FRMD6: variants seen among roughly 807,000 people sequenced by gnomAD.
FRMD6 encodes FERM domain-containing protein 6.
A neutral mutation model predicts 73.2 loss-of-function variants in FRMD6; 37 were observed. The ratio of observed to expected loss-of-function variants is 0.51; its 90% CI spans 0.39 to 0.66. The LOEUF is 0.66. Among genes scored for constraint, FRMD6 ranks in the 30% least tolerant of loss-of-function variants. The pLI is 0.00. For synonymous variants in FRMD6, 273 were observed against 282.2 expected, an observed-to-expected ratio of 0.97 and a Z score of 0.33; for missense variants, 714 against 780.5, an observed-to-expected ratio of 0.91 and a Z score of 1.02.
chr14:51,458,042 G>T, the FRMD6 span, among the ~76,000 whole-genome samples: 1 of 152,316 alleles, frequency 6.6e-6, no homozygotes, highest in South Asian at 2.1e-4. Flanking sequence ...GCCTTGGAAT[G>T]TGGGCCAGAT....
At chr14:51,559,471 A>C (rs1445267833) in intron 1 of FRMD6, among the ~76,000 whole-genome samples, 2 of 145,302 alleles carry the variant, frequency 1.4e-5, no homozygotes, top group Non-Finnish European at 1.5e-5. Context: ...ATTCCACGTT[A>C]CTTTTTTTTT....
At chr14:51,411,088 T>C in the FRMD6 span, among the ~76,000 whole-genome samples, 1 of 152,204 alleles carries the variant, frequency 6.6e-6, no homozygotes, top group Non-Finnish European at 1.5e-5. Flanking sequence ...ATACCATGTG[T>C]TCCCTCCTAT....
intron 1 of FRMD6, among the ~76,000 whole-genome samples, chr14:51,532,609 C>G (rs1385508110): frequency 1.3e-5 from 2 of 152,036 alleles, no homozygotes; most frequent in African/African-American, 4.8e-5. Flanking sequence ...AGTGTTAACA[C>G]AAAACATGAC....
At chr14:51,473,072 G>C in the FRMD6 span, among the ~76,000 whole-genome samples, 1 of 152,170 alleles carries the variant, frequency 6.6e-6, no homozygotes, top group Non-Finnish European at 1.5e-5. Flanking sequence ...AGGGTGCCCA[G>C]GCCAACAGGA....
At chr14:51,597,929 T>C (rs1889811878) in intron 2 of FRMD6, among the ~76,000 whole-genome samples, 2 of 152,142 alleles carry the variant, frequency 1.3e-5, no homozygotes. Flanking sequence ...GACTGAGGCC[T>C]GGAAACAAGG....
chr14:51,638,462 G>A (rs7159253), intron 2 of FRMD6, among the ~76,000 whole-genome samples: 29,503 of 151,960 alleles, frequency 0.19, 3,044 homozygotes, highest in African/African-American at 0.28. Context: ...GACACTTACT[G>A]CCGGGCTACT....
At chr14:51,675,617 C>T (rs1894334012) in intron 1 of FRMD6, among the ~76,000 whole-genome samples, 1 of 152,086 alleles carries the variant, frequency 6.6e-6, no homozygotes, top group Admixed American at 6.6e-5. Flanking sequence ...GCAAAATCCC[C>T]CAAGGGGGTG....
rs372877962 is a variant in FRMD6 at position 51,720,286 on chromosome 14, G to A, written c.1256G>A (p.Arg419His). 25 of 1,613,826 alleles carry A rather than the reference G, an allele frequency of 1.5e-5. No individual in the cohort carries two copies. Among genetic ancestry groups the A allele is most frequent in the South Asian group, 1.4e-4 (13 of 91,078 alleles). Residue 419 changes from arginine to histidine, a missense_variant, in exon 11 of 14, where the codon CGC (arginine) becomes CAC (histidine). Physicochemically the swap from Arg to His is conservative, Grantham distance 29. Coordinates refer to ENST00000344768, the MANE Select transcript of FRMD6 (RefSeq NM_001267046.2). ...AGCTACTCCAGCAGTGCCATCCACC[G>A]CAAGCTGAAAACCTGCAGCTCAATG... ...EDSYSSSAIHRKLKTCSSMTS... is the reference protein window; with the variant it reads ...EDSYSSSAIHHKLKTCSSMTS...
At chr14:51,698,495 C>T (rs142888574) in intron 3 of FRMD6, among the ~76,000 whole-genome samples, 8 of 152,054 alleles carry the variant, frequency 5.3e-5, no homozygotes, top group Middle Eastern at 6.8e-3. Context: ...AATCTAGATT[C>T]TATGTGTTTG....
rs80215762 is a variant in FRMD6, at chr14:51,634,232, T to G, written c.-146-55459T>G. Reference sequence around the variant, plus strand: ...CAATAAGTAGTACTCTTATTACACGTTGGGAGATAGTAACCTAATTTAAGA... The same window carrying G: ...CAATAAGTAGTACTCTTATTACACGGTGGGAGATAGTAACCTAATTTAAGA... On this transcript the variant is annotated intron_variant, in intron 2 of 14. Coordinates refer to the FRMD6 transcript ENST00000356218. Among the ~76,000 whole-genome samples, 40 of 152,330 alleles carry G rather than the reference T, an allele frequency of 2.6e-4. No homozygotes were observed. In the East Asian group the frequency reaches 7.3e-3, roughly 28 times the overall value.
rs560228899 is a variant in FRMD6, at chr14:51,510,108, T to A, written c.-210+20688T>A. ...TTGTATGTTGTTTATTTTTCATCCATCTTGTTGCCATGGAGGGAGGCAGTT... is the reference window on the plus strand; with the variant it reads ...TTGTATGTTGTTTATTTTTCATCCAACTTGTTGCCATGGAGGGAGGCAGTT... On this transcript the variant is annotated intron_variant, in intron 1 of 14. Transcript: ENST00000356218. Among the ~76,000 whole-genome samples the A allele has an allele frequency of 2.0e-5, 3 of 152,350 alleles. No individual in the cohort carries two copies. The South Asian group carries it at 6.2e-4, about 32-fold the overall frequency.
chr14:51,432,984 T>C, the FRMD6 span, among the ~76,000 whole-genome samples: 1,397 of 152,310 alleles, frequency 9.2e-3, 23 homozygotes, highest in African/African-American at 0.032. Context: ...CACTCACTCA[T>C]AATTAGAGGA....
chr14:51,515,575 T>G (rs1393759649), intron 1 of FRMD6, among the ~76,000 whole-genome samples: 1 of 152,222 alleles, frequency 6.6e-6, no homozygotes, highest in African/African-American at 2.4e-5. Flanking sequence ...TGGGCCTACC[T>G]CCTACCACCT....
chr14:51,656,901 G>A (rs1051706260), intron 1 of FRMD6, among the ~76,000 whole-genome samples: 7 of 152,088 alleles, frequency 4.6e-5, no homozygotes, highest in African/African-American at 1.7e-4. Flanking sequence ...GGATCCTCTT[G>A]GGGGTGTTTT....
intron 2 of FRMD6, among the ~76,000 whole-genome samples, chr14:51,576,677 A>G (rs1046580365): frequency 1.3e-5 from 2 of 152,026 alleles, no homozygotes; most frequent in Admixed American, 1.3e-4. Context: ...CCCATTCTTC[A>G]GTTTTCATGT....
chr14:51,449,117 G>T, the FRMD6 span, among the ~76,000 whole-genome samples: 3 of 152,316 alleles, frequency 2.0e-5, no homozygotes, highest in South Asian at 6.2e-4. Context: ...CTGACCCTCA[G>T]TTGCTGTACC....
the FRMD6 span, among the ~76,000 whole-genome samples, chr14:51,452,520 G>A: frequency 6.6e-6 from 1 of 152,154 alleles, no homozygotes; most frequent in Non-Finnish European, 1.5e-5. Context: ...GGTGCCAGTG[G>A]GCAACTAAGT....
At chr14:51,593,124 A>G (rs2139745724) in intron 2 of FRMD6, among the ~76,000 whole-genome samples, 1 of 152,286 alleles carries the variant, frequency 6.6e-6, no homozygotes, top group Middle Eastern at 3.4e-3. Context: ...GATGAGCTGC[A>G]TTTCATTGCA....
chr14:51,444,827 G>A, the FRMD6 span, among the ~76,000 whole-genome samples: 22 of 152,224 alleles, frequency 1.4e-4, no homozygotes, highest in African/African-American at 4.3e-4. Flanking sequence ...CCTTGTTGTC[G>A]ATGTTGGTGT....
Sources: allele counts gnomAD v4.1 joint callset (sites outside exome capture counted in the v4.1 genomes callset), GRCh38; gene constraint gnomAD v4.1.1; transcripts MANE v1.5; gene names NCBI Gene and HGNC (gene_info 2026-07-23, HGNC 2026-07-21).